LOXHD1: variants seen among roughly 807,000 people sequenced by gnomAD.
LOXHD1 encodes lipoxygenase homology domain-containing protein 1.
LOXHD1 carries 205 observed loss-of-function variants against 248.2 expected under a neutral mutation model. The observed-to-expected ratio is 0.83, with a 90% CI of 0.74 to 0.93. The LOEUF is 0.93. Ranked by LOEUF, LOXHD1 falls within the 40% of genes least tolerant of loss-of-function variation. The pLI is 0.00. For synonymous variants in LOXHD1, 1,113 were observed against 1,162.8 expected, an observed-to-expected ratio of 0.96 and a Z score of 0.87; for missense variants, 2,930 against 2,971.6, an observed-to-expected ratio of 0.99 and a Z score of 0.33.
rs562474123 is a variant in LOXHD1 at position 46,656,938 on chromosome 18, C to G, written c.96G>C (p.Glu32Asp). 6.4e-7 allele frequency: 1 copy of G among 1,551,630 alleles called. No individual in the cohort carries two copies. The highest frequency in any genetic ancestry group is 2.0e-5 in the Admixed American group (1 of 51,004). The change falls in exon 1 of 41, where the codon GAG becomes GAC. Residue 32 changes from glutamate (E) to aspartate (D), a missense_variant. Transcript: ENST00000642948. ...ELLNYASEDD[E>D]GELEHEYYKA... ...TGTAGTACTCGTGTTCCAGCTCCCC[C>G]TCGTCGTCCTCCGAGGCGTAGTTCA...
At chr18:46,507,420 G>A (rs2034641509) in intron 36 of LOXHD1, 118 bp downstream of exon 36, 1 of 1,108,588 alleles carries the variant, frequency 9.0e-7, no homozygotes, top group South Asian at 1.5e-5. Flanking sequence ...AACTTGGATT[G>A]ACTAGATTTT....
chr18:46,534,478 T>G, intron 26 of LOXHD1, 27 bp from the exon 27 acceptor site: 1 of 1,515,202 alleles, frequency 6.6e-7, no homozygotes, highest in South Asian at 1.2e-5. Flanking sequence ...AGGCACTGAA[T>G]GTTAGCTGAA....
intron 24 of LOXHD1, 120 bp from the exon 25 acceptor site, chr18:46,542,060 A>C: frequency 2.2e-6 from 2 of 910,942 alleles, no homozygotes; most frequent in South Asian, 1.9e-5. Context: ...TTAACATGAC[A>C]TCCCTTTTGC....
In LOXHD1 at chr18:46,642,013, C is replaced by T; in HGVS notation, c.269G>A (p.Gly90Asp). The change falls in exon 3 of 41, where the codon GGC becomes GAC. Residue 90 changes from glycine to aspartate, a missense_variant. Physicochemically the swap from Gly to Asp is moderately conservative, Grantham distance 94. Transcript: ENST00000642948. ...TCTCACCCGGAACACATCGACGTTG[C>T]CCTTCTCAAAGGCAGACTTGCTCCT... ...TSKSKSAFEK[G>D]NVDVFRVRTN... 6.4e-7 allele frequency: 1 copy of T among 1,552,330 alleles called. No individual in the cohort carries two copies. Among genetic ancestry groups the T allele is most frequent in the South Asian group, 1.2e-5 (1 of 84,064 alleles).
intron 6 of LOXHD1, among the ~76,000 whole-genome samples, chr18:46,609,727 G>A (rs923906295): frequency 4.6e-5 from 7 of 151,908 alleles, no homozygotes; most frequent in Non-Finnish European, 8.8e-5. Flanking sequence ...TACTGTTCTC[G>A]ATAACACTAC....
rs150580175 is a variant in LOXHD1 at position 46,548,304 on chromosome 18, C to T, written c.3351-1246G>A. On this transcript the variant is annotated intron_variant, in intron 21 of 40. Coordinates refer to ENST00000642948, the MANE Select transcript of LOXHD1 (RefSeq NM_001384474.1). ...GGGCCACTCAGGGACTGCTCAAAGT[C>T]TGGAGAGGTAGGGGCAGTGCAGGCC... 3.6e-3 allele frequency among the ~76,000 whole-genome samples: 531 copies of T among 147,868 alleles called. 2 individuals carry two copies. Among genetic ancestry groups the T allele is most frequent in the African/African-American group, 0.013 (516 of 39,670 alleles).
intron 5 of LOXHD1, among the ~76,000 whole-genome samples, chr18:46,611,925 A>C (rs2038514371): frequency 6.6e-6 from 1 of 152,320 alleles, no homozygotes; most frequent in South Asian, 2.1e-4. Context: ...CGGCTCCTGA[A>C]GTGTGATAGT....
At position 46,484,032 on chromosome 18, in the gene LOXHD1, A is replaced by G. The variant is rs574725904; in HGVS notation, c.6183-287T>C. On this transcript the variant is annotated intron_variant, in intron 39 of 40. Transcript: ENST00000642948. Reference sequence around the variant, plus strand: ...GTGGTGAGACTTGGAGAGCAGAGGGAGGAGGGGAAGGGAAGAGTCCCCTGT... The same window carrying G: ...GTGGTGAGACTTGGAGAGCAGAGGGGGGAGGGGAAGGGAAGAGTCCCCTGT... Among the ~76,000 whole-genome samples the G allele has an allele frequency of 4.9e-3, 748 of 152,156 alleles. 8 individuals carry two copies. Among genetic ancestry groups the G allele is most frequent in the African/African-American group, 0.017 (707 of 41,518 alleles).
intron 4 of LOXHD1, among the ~76,000 whole-genome samples, chr18:46,623,000 G>A (rs553124572): frequency 3.9e-5 from 6 of 152,258 alleles, no homozygotes; most frequent in East Asian, 1.9e-4. Context: ...AGGGCTTAGC[G>A]ATGGATTGTG....
At chr18:46,629,799 A>G (rs1436045885) in intron 4 of LOXHD1, among the ~76,000 whole-genome samples, 17 of 151,304 alleles carry the variant, frequency 1.1e-4, no homozygotes, top group Non-Finnish European at 1.9e-4. Context: ...CATTAAAAAA[A>G]AAAAAAAAGA....
At position 46,569,606 on chromosome 18, in the gene LOXHD1, C is replaced by A. The variant is rs35727744; in HGVS notation, c.2080G>T (p.Asp694Tyr). The change falls in exon 16 of 41, where the codon GAT becomes TAT. Residue 694 changes from aspartate (D) to tyrosine (Y), a missense_variant. Asp to Tyr is a radical substitution (Grantham distance 160). Transcript: ENST00000642948. Reference sequence around the variant, plus strand: ...GAATCCGTGCTGGCCCCAGAGACATCCCCAGTCTTCAAGCTGATGTGATAG... The same window carrying A: ...GAATCCGTGCTGGCCCCAGAGACATACCCAGTCTTCAAGCTGATGTGATAG... Reference protein sequence around the residue: ...FRYHISLKTGDVSGASTDSRV... With the variant: ...FRYHISLKTGYVSGASTDSRV... 2.0e-3 allele frequency: 3,102 copies of A among 1,551,536 alleles called. 61 individuals carry two copies. The African/African-American group carries it at 0.039, about 19-fold the overall frequency.
intron 6 of LOXHD1, among the ~76,000 whole-genome samples, chr18:46,610,168 T>C (rs2038483610): frequency 6.6e-6 from 1 of 152,154 alleles, no homozygotes; most frequent in South Asian, 2.1e-4. Context: ...TGGCAGAGTC[T>C]TGAAGAATGA....
In LOXHD1 at chr18:46,477,435, TG is replaced by T. The variant is rs1438226246; in HGVS notation, c.*36del. 4.6e-6 allele frequency: 7 copies of T among 1,535,934 alleles called. No individual in the cohort carries two copies. Among genetic ancestry groups the T allele is most frequent in the Non-Finnish European group, 5.3e-6 (6 of 1,137,664 alleles). On this transcript the variant is annotated 3_prime_UTR_variant, in exon 41 of 41. Transcript: ENST00000642948. ...AAGGTGGAGGGCAGAAATGTGAGAT[TG>T]GGGCATCTCAGTGAGAGGGTGGGGG...
chr18:46,640,410 G>A (rs2038948337), intron 3 of LOXHD1, among the ~76,000 whole-genome samples: 2 of 152,138 alleles, frequency 1.3e-5, no homozygotes. Flanking sequence ...ACTCCCCTTA[G>A]TCCTACAATC....
intron 4 of LOXHD1, among the ~76,000 whole-genome samples, chr18:46,638,483 A>C (rs544001648): frequency 6.6e-6 from 1 of 152,186 alleles, no homozygotes; most frequent in African/African-American, 2.4e-5. Flanking sequence ...AATACAAAAA[A>C]TTAGCTGGGT....
intron 4 of LOXHD1, among the ~76,000 whole-genome samples, chr18:46,633,951 G>A (rs1361443745): frequency 6.6e-6 from 1 of 152,340 alleles, no homozygotes; most frequent in African/African-American, 2.4e-5. Flanking sequence ...AATAGCGAGT[G>A]TTGGTCAGGA....
Position 46,656,055 on chromosome 18 carries a change from G to A in LOXHD1, c.130+849C>T, listed in dbSNP as rs144006726. 9.8e-5 allele frequency among the ~76,000 whole-genome samples: 15 copies of A among 152,304 alleles called. No individual in the cohort carries two copies. In the South Asian group the frequency reaches 1.7e-3, roughly 17 times the overall value. On this transcript the variant is annotated intron_variant, in intron 1 of 40. Coordinates refer to ENST00000642948, the MANE Select transcript of LOXHD1 (RefSeq NM_001384474.1). ...TGAATGAATGAGTGAATGCATGGAT[G>A]ACTATGGCGCTTACGGGGACTGGTG...
At chr18:46,631,042 G>A (rs2038813920) in intron 4 of LOXHD1, among the ~76,000 whole-genome samples, 2 of 152,094 alleles carry the variant, frequency 1.3e-5, no homozygotes, top group South Asian at 4.1e-4. Context: ...TTTATAATCA[G>A]ATGTGTCTAT....
Position 46,639,721 on chromosome 18 carries a change from G to C in LOXHD1, c.406C>G (p.Leu136Val), listed in dbSNP as rs1295956550. 16 of 1,551,624 alleles carry C rather than the reference G, an allele frequency of 1.0e-5. No homozygotes were observed. Among genetic ancestry groups the C allele is most frequent in the Non-Finnish European group, 1.3e-5 (15 of 1,147,020 alleles). The change falls in exon 4 of 41, where the codon CTC becomes GTC. Residue 136 changes from leucine to valine, a missense_variant. Physicochemically the swap from Leu to Val is conservative, Grantham distance 32. Coordinates refer to ENST00000642948, the MANE Select transcript of LOXHD1 (RefSeq NM_001384474.1). Reference protein sequence around the residue: ...VIVTDMKRPHLRYYFNCNNWL... With the variant: ...VIVTDMKRPHVRYYFNCNNWL... ...TTGTTGCAGTTGAAGTAGTAACGGAGATGAGGCCTCTTCATGTCGGTCACA... is the reference window on the plus strand; with the variant it reads ...TTGTTGCAGTTGAAGTAGTAACGGACATGAGGCCTCTTCATGTCGGTCACA...
Sources: gnomAD v4.1 joint callset for allele counts (sites outside exome capture counted in the v4.1 genomes callset) on GRCh38, gnomAD v4.1.1 for gene constraint, MANE v1.5 for transcripts, NCBI Gene and HGNC (gene_info 2026-07-23, HGNC 2026-07-21) for gene names.